Variants in GRAMD1B observed in about 807,000 individuals in gnomAD.
GRAMD1B encodes the protein protein Aster-B.
In GRAMD1B, 37 loss-of-function variants were observed where a neutral mutation model predicts 99.7. The observed-to-expected ratio is 0.37, with a 90% confidence interval of 0.29 to 0.49. The LOEUF is 0.49. Among genes scored for constraint, GRAMD1B ranks in the 20% least tolerant of loss-of-function variants. GRAMD1B has a pLI of 0.98. For missense variants in GRAMD1B, 888 were observed against 1,009.2 expected (o/e 0.88, Z 1.63); for synonymous variants, 427 against 387.6 (o/e 1.10, Z -1.19).
At position 123,474,352 on chromosome 11, in the gene GRAMD1B, T is replaced by C. The variant is rs149925698; in HGVS notation, c.375-6464T>C. Among the ~76,000 whole-genome samples, 387 of 152,320 alleles carry C rather than the reference T, an allele frequency of 2.5e-3. 10 individuals carry two copies. Among genetic ancestry groups the C allele is most frequent in the East Asian group, 0.025 (129 of 5,194 alleles). ...TACCCACATCTGACTGTTAGAAAAG[T>C]GAAATAATTTTCTCAATCTCCCCCT... On this transcript the variant is annotated intron_variant, in intron 1 of 19. Transcript: ENST00000635736.
intron 2 of GRAMD1B, among the ~76,000 whole-genome samples, chr11:123,524,772 G>A (rs1439753190): frequency 6.6e-6 from 1 of 152,216 alleles, no homozygotes; most frequent in African/African-American, 2.4e-5. Flanking sequence ...AACTGTTTTG[G>A]AGCAAGTTTC....
At chr11:123,388,915 C>T (rs1947172246) in intron 1 of GRAMD1B, among the ~76,000 whole-genome samples, 1 of 152,148 alleles carries the variant, frequency 6.6e-6, no homozygotes, top group African/African-American at 2.4e-5. Context: ...TTTGTTACAG[C>T]ATCTCGAACA....
intron 3 of GRAMD1B, among the ~76,000 whole-genome samples, chr11:123,582,692 G>A (rs746763939): frequency 6.6e-6 from 1 of 152,216 alleles, no homozygotes; most frequent in Non-Finnish European, 1.5e-5. Flanking sequence ...AAGGTGGACC[G>A]TCTTTACAGA....
intron 1 of GRAMD1B, among the ~76,000 whole-genome samples, chr11:123,461,439 C>A (rs1350903938): frequency 6.6e-6 from 1 of 152,204 alleles, no homozygotes; most frequent in African/African-American, 2.4e-5. Context: ...CAAAGACTCC[C>A]CCTTGGGCTG....
chr11:123,474,214 C>T (rs994854187), intron 1 of GRAMD1B, among the ~76,000 whole-genome samples: 1 of 152,142 alleles, frequency 6.6e-6, no homozygotes, highest in African/African-American at 2.4e-5. Flanking sequence ...CAGATGATTT[C>T]TACCATTTCT....
rs1955326112 is a variant in GRAMD1B, at chr11:123,623,414, A to G, written c.*819A>G. On this transcript the variant is annotated 3_prime_UTR_variant, in exon 20 of 20. Transcript: ENST00000635736. ...TCCTATTGTTTCTCTGTGCCCTAAG[A>G]GCACATTGTTTATTAGCCAGGGTGG... 6.6e-6 allele frequency: 1 copy of G among 152,190 alleles called. No individual in the cohort carries two copies. The highest frequency in any genetic ancestry group is 2.1e-4 in the South Asian group (1 of 4,828). The allele number at this position is 152,190 out of a possible 1,614,324, so 9.4% of individuals were successfully genotyped here.
chr11:123,538,154 C>T (rs1944148758), intron 2 of GRAMD1B, among the ~76,000 whole-genome samples: 1 of 152,038 alleles, frequency 6.6e-6, no homozygotes, highest in South Asian at 2.1e-4. Flanking sequence ...ATATTTATAA[C>T]TATCTCCCAT....
At chr11:123,411,299 C>T (rs532416075) in intron 1 of GRAMD1B, among the ~76,000 whole-genome samples, 82 of 152,244 alleles carry the variant, frequency 5.4e-4, no homozygotes, top group African/African-American at 1.7e-3. Flanking sequence ...CCACCGCACC[C>T]GGCAACTTAT....
rs12274485 is a variant in GRAMD1B, at chr11:123,398,576, C to T, written c.-176+39777C>T. On this transcript the variant is annotated intron_variant, in intron 1 of 20. Transcript: ENST00000638157. ...TATGAGAAATCCAGTTGTTCCACAT[C>T]CTTGGCACCACTTGGTATTGTCAAT... Among the ~76,000 whole-genome samples the T allele has an allele frequency of 5.7e-3, 873 of 152,264 alleles. 6 individuals are homozygous for T. The highest frequency in any genetic ancestry group is 0.02 in the African/African-American group (844 of 41,564).
intron 2 of GRAMD1B, among the ~76,000 whole-genome samples, chr11:123,519,812 C>T (rs991011003): frequency 9.5e-4 from 145 of 152,152 alleles, no homozygotes; most frequent in African/African-American, 3.3e-3. Context: ...TACCCAAGGT[C>T]GTGGGATTCT....
chr11:123,365,408 T>C (rs527261883), intron 1 of GRAMD1B, among the ~76,000 whole-genome samples: 70 of 152,268 alleles, frequency 4.6e-4, no homozygotes, highest in African/African-American at 1.7e-3. Flanking sequence ...CGTGCCACCA[T>C]GCCCAGCTAA....
chr11:123,502,667 C>A (rs1452738001), intron 2 of GRAMD1B, among the ~76,000 whole-genome samples: 1 of 150,840 alleles, frequency 6.6e-6, no homozygotes, highest in African/African-American at 2.4e-5. Context: ...CCCAGCTAAT[C>A]GGGAGGCTGA....
At chr11:123,490,732 TA>T (rs1262616173) in intron 2 of GRAMD1B, among the ~76,000 whole-genome samples, 4 of 152,132 alleles carry the variant, frequency 2.6e-5, no homozygotes, top group Non-Finnish European at 5.9e-5. Context: ...CTTGCTCAGC[TA>T]GGGGGTGCCA....
intron 2 of GRAMD1B, among the ~76,000 whole-genome samples, chr11:123,496,817 C>T (rs1939345197): frequency 6.6e-6 from 1 of 152,028 alleles, no homozygotes; most frequent in South Asian, 2.1e-4. Flanking sequence ...TAATTTCAAT[C>T]TCTTTGTTAA....
chr11:123,426,636 C>T (rs1054635112), upstream of GRAMD1B, among the ~76,000 whole-genome samples: 5 of 152,078 alleles, frequency 3.3e-5, no homozygotes, highest in African/African-American at 1.2e-4. Flanking sequence ...CTCTGTGTCC[C>T]AGTGTTGAGA....
chr11:123,550,247 C>T (rs1045186585), intron 2 of GRAMD1B, among the ~76,000 whole-genome samples: 2 of 152,158 alleles, frequency 1.3e-5, no homozygotes, highest in Non-Finnish European at 2.9e-5. Context: ...CCTGACTGCT[C>T]CCATTGATCA....
chr11:123,494,680 A>T (rs779519540), intron 2 of GRAMD1B, among the ~76,000 whole-genome samples: 1 of 152,106 alleles, frequency 6.6e-6, no homozygotes, highest in African/African-American at 2.4e-5. Flanking sequence ...AACTCCTCTT[A>T]TCTTTGCTGA....
At chr11:123,408,029 T>C (rs1947914006) in intron 1 of GRAMD1B, among the ~76,000 whole-genome samples, 1 of 152,188 alleles carries the variant, frequency 6.6e-6, no homozygotes, top group Admixed American at 6.5e-5. Context: ...AACGAGATAA[T>C]GTAGATGTCT....
intron 1 of GRAMD1B, among the ~76,000 whole-genome samples, chr11:123,404,709 A>G (rs989328051): frequency 6.6e-6 from 1 of 152,246 alleles, no homozygotes; most frequent in African/African-American, 2.4e-5. Flanking sequence ...AAAATCTGAA[A>G]TGGGTGATAA....
Sources: gnomAD v4.1 joint callset for allele counts (sites outside exome capture counted in the v4.1 genomes callset) on GRCh38, gnomAD v4.1.1 for gene constraint, MANE v1.5 for transcripts, NCBI Gene and HGNC (gene_info 2026-07-23, HGNC 2026-07-21) for gene names.